VAV3: variants seen among roughly 807,000 people sequenced by gnomAD.
VAV3 encodes the protein vav guanine nucleotide exchange factor 3.
A neutral mutation model predicts 131.2 loss-of-function variants in VAV3; 94 were observed. That is an observed-to-expected ratio of 0.72 (90% CI 0.61 to 0.85). The LOEUF (loss-of-function observed/expected upper bound fraction) is 0.85, where lower values mean the gene tolerates loss of function less well. Among genes scored for constraint, VAV3 ranks in the 40% least tolerant of loss-of-function variants. The pLI, the probability that VAV3 is intolerant of heterozygous loss-of-function variation, is 0.00. For synonymous variants in VAV3, 349 were observed against 342.0 expected (o/e 1.02, Z -0.22); for missense variants, 939 against 1,002.7 (o/e 0.94, Z 0.86).
intron 15 of VAV3, among the ~76,000 whole-genome samples, chr1:107,716,333 A>C (rs1009662127): frequency 2.6e-5 from 4 of 152,204 alleles, no homozygotes; most frequent in Admixed American, 6.5e-5. Context: ...AGACTTTTAA[A>C]AGTGCTTTGG....
intron 15 of VAV3, among the ~76,000 whole-genome samples, chr1:107,738,266 A>G (rs956900154): frequency 1.3e-5 from 2 of 152,218 alleles, no homozygotes; most frequent in African/African-American, 2.4e-5. Flanking sequence ...TCATGAATTA[A>G]TGGGTGCAGC....
At chr1:107,706,512 C>A (rs747833403) in intron 15 of VAV3, among the ~76,000 whole-genome samples, 1 of 152,116 alleles carries the variant, frequency 6.6e-6, no homozygotes, top group Non-Finnish European at 1.5e-5. Flanking sequence ...TTCCACTGCA[C>A]GCTGAGAATT....
chr1:107,802,434 G>C (rs765067167), intron 2 of VAV3, among the ~76,000 whole-genome samples: 1 of 151,892 alleles, frequency 6.6e-6, no homozygotes, highest in Non-Finnish European at 1.5e-5. Flanking sequence ...TTAGCAAAAA[G>C]GCCTTCAATT....
intron 1 of VAV3, among the ~76,000 whole-genome samples, chr1:107,890,691 A>G (rs995696752): frequency 2.0e-5 from 3 of 152,232 alleles, no homozygotes; most frequent in African/African-American, 7.2e-5. Context: ...ATATGTTCAC[A>G]GTGAAATTAA....
rs368107036 is a variant in VAV3 at position 107,755,498 on chromosome 1, C to G, written c.1102G>C (p.Val368Leu). Reference sequence around the variant, plus strand: ...TCATTATCTCTTTTCACTTCATTCACATATTGTGCCAAGTCCTAGACAATA... The same window carrying G: ...TCATTATCTCTTTTCACTTCATTCAGATATTGTGCCAAGTCCTAGACAATA... The part of the protein sequence containing the change: ...LDAMKDLAQY[V>L]NEVKRDNETL... Residue 368 changes from valine to leucine, a missense_variant, in exon 12 of 27, where the codon GTG becomes CTG. By Grantham distance (32) the Val-to-Leu change is conservative. Coordinates refer to ENST00000370056, the MANE Select transcript of VAV3 (RefSeq NM_006113.5). 1 of 1,613,316 alleles carries G rather than the reference C, an allele frequency of 6.2e-7. No individual in the cohort carries two copies. The highest frequency in any genetic ancestry group is 8.5e-7 in the Non-Finnish European group (1 of 1,179,420).
At chr1:107,576,541 A>C (rs1417970391) in intron 25 of VAV3, 1 of 1,308,074 alleles carries the variant, frequency 7.6e-7, no homozygotes, top group African/African-American at 1.5e-5. Flanking sequence ...ATATCTCAAC[A>C]CAACCATTTT....
intron 1 of VAV3, among the ~76,000 whole-genome samples, chr1:107,958,241 A>T (rs180963836): frequency 6.6e-6 from 1 of 152,346 alleles, no homozygotes; most frequent in Non-Finnish European, 1.5e-5. Flanking sequence ...TTGGGAAATA[A>T]CAGTTCTTCC....
intron 1 of VAV3, among the ~76,000 whole-genome samples, chr1:107,890,535 T>C (rs1671262605): frequency 6.6e-6 from 1 of 152,152 alleles, no homozygotes; most frequent in Admixed American, 6.6e-5. Flanking sequence ...ATACACACTA[T>C]TTCTGTCTGG....
At chr1:107,591,431 GAATA>G (rs774448164) in intron 25 of VAV3, among the ~76,000 whole-genome samples, 83 of 150,418 alleles carry the variant, frequency 5.5e-4, no homozygotes, top group African/African-American at 1.7e-3. Flanking sequence ...ATGAATGAAT[GAATA>G]AATGAATGAA....
At chr1:107,625,071 C>T (rs1653911140) in intron 20 of VAV3, among the ~76,000 whole-genome samples, 1 of 152,062 alleles carries the variant, frequency 6.6e-6, no homozygotes, top group African/African-American at 2.4e-5. Context: ...TCATTATCCT[C>T]ACCTGTGAAA....
intron 2 of VAV3, among the ~76,000 whole-genome samples, chr1:107,821,469 C>A (rs1667787302): frequency 6.6e-6 from 1 of 152,226 alleles, no homozygotes. Flanking sequence ...GTGTCATTTA[C>A]ACTGTGACAT....
chr1:107,583,320 C>G (rs1650220902), intron 25 of VAV3, among the ~76,000 whole-genome samples: 1 of 152,326 alleles, frequency 6.6e-6, no homozygotes, highest in South Asian at 2.1e-4. Context: ...TGCGAAAAAA[C>G]TGGAAGCATT....
Position 107,728,624 on chromosome 1 carries a change from T to TGTATATGTATAC in VAV3, c.1502+20343_1502+20344insGTATACATATAC, listed in dbSNP as rs1491247435. 3.3e-4 allele frequency among the ~76,000 whole-genome samples: 34 copies of TGTATATGTATAC among 103,670 alleles called. 1 individual carries two copies. The highest frequency in any genetic ancestry group is 9.9e-4 in the African/African-American group (31 of 31,370). 68.0% of individuals were successfully genotyped at this position (103,670 alleles called of 152,430 possible). A position where few individuals can be genotyped will look rare whatever the true frequency, so the allele number is the denominator to read the frequency against. On this transcript the variant is annotated intron_variant, in intron 15 of 26. Transcript: ENST00000370056. Reference sequence around the variant, plus strand: ...ACGTATATGTATATGTATATGTATATGTATATGTATATGTATATGTATATG... The same window carrying TGTATATGTATAC: ...ACGTATATGTATATGTATATGTATATGTATATGTATACGTATATGTATATGTATATGTATATG...
chr1:107,617,562 C>T lies in VAV3; in HGVS notation c.1980+5G>A. On this transcript the variant is annotated splice_donor_5th_base_variant and intron_variant, in intron 21 of 26. Coordinates refer to ENST00000370056, the MANE Select transcript of VAV3 (RefSeq NM_006113.5). Reference sequence around the variant, plus strand: ...GCAAGAGAAAATTAAGATACTAATACTTACACATGGGCAAGGCTTGACTGC... The same window carrying T: ...GCAAGAGAAAATTAAGATACTAATATTTACACATGGGCAAGGCTTGACTGC... 1 of 1,608,824 alleles carries T rather than the reference C, an allele frequency of 6.2e-7. No homozygotes were observed. Among genetic ancestry groups the T allele is most frequent in the African/African-American group, 1.3e-5 (1 of 74,718 alleles).
intron 2 of VAV3, among the ~76,000 whole-genome samples, chr1:107,792,706 A>G (rs1396126986): frequency 2.6e-5 from 4 of 152,224 alleles, no homozygotes; most frequent in African/African-American, 9.7e-5. Context: ...CTTGAAACTT[A>G]GGGACTTAGT....
At chr1:107,818,597 C>T (rs939425543) in intron 2 of VAV3, among the ~76,000 whole-genome samples, 1 of 152,116 alleles carries the variant, frequency 6.6e-6, no homozygotes, top group Non-Finnish European at 1.5e-5. Context: ...AGGGATTCAT[C>T]TCCAAAAGAG....
intron 20 of VAV3, among the ~76,000 whole-genome samples, chr1:107,630,570 A>G (rs1343291695): frequency 6.6e-6 from 1 of 152,158 alleles, no homozygotes; most frequent in Non-Finnish European, 1.5e-5. Flanking sequence ...ATTATTTCCT[A>G]AACACATAAC....
rs374189962 is a variant in VAV3 at position 107,874,969 on chromosome 1, T to G, written c.253A>C (p.Thr85Pro). 4 of 1,613,204 alleles carry G rather than the reference T, an allele frequency of 2.5e-6. No individual in the cohort carries two copies. Among genetic ancestry groups the G allele is most frequent in the Non-Finnish European group, 3.4e-6 (4 of 1,179,554 alleles). ...IRTFLTACCE[T>P]FGMRKSELFE... ...AGTTCACTTTTCCTCATTCCAAACG[T>G]CTCACAACAGGCCGTGAGAAATGTC... The change falls in exon 2 of 27, where the codon ACG becomes CCG. Residue 85 changes from threonine to proline, a missense_variant. Coordinates refer to ENST00000370056, the MANE Select transcript of VAV3 (RefSeq NM_006113.5).
chr1:107,896,015 T>C (rs1427232628), intron 1 of VAV3, among the ~76,000 whole-genome samples: 2 of 152,160 alleles, frequency 1.3e-5, no homozygotes, highest in Non-Finnish European at 2.9e-5. Flanking sequence ...AGCTTGGACT[T>C]CTTGCAGGAA....
Sources: allele counts gnomAD v4.1 joint callset (sites outside exome capture counted in the v4.1 genomes callset), GRCh38; gene constraint gnomAD v4.1.1; transcripts MANE v1.5; gene names NCBI Gene and HGNC (gene_info 2026-07-23, HGNC 2026-07-21).